The following TEX10 variants were observed in gnomAD, a reference collection of about 807,000 sequenced individuals.
TEX10 encodes testis-expressed protein 10.
TEX10 carries 24 observed loss-of-function variants against 104.4 expected under a neutral mutation model. The observed-to-expected ratio is 0.23, with a 90% CI of 0.17 to 0.32. The LOEUF (loss-of-function observed/expected upper bound fraction) is 0.32, where lower values mean the gene tolerates loss of function less well. TEX10 is among the 10% of genes least tolerant of loss of function. The pLI is 1.00. For synonymous variants in TEX10, 396 were observed against 393.4 expected, an observed-to-expected ratio of 1.01 and a Z score of -0.08; for missense variants, 921 against 1,083.9, an observed-to-expected ratio of 0.85 and a Z score of 2.11.
intron 13 of TEX10, chr9:100,305,639 A>G (rs932725778): frequency 1.6e-4 from 24 of 152,214 alleles, no homozygotes; most frequent in African/African-American, 5.8e-4. Flanking sequence ...AGCCAAGCTC[A>G]AGGCCAGATG....
chr9:100,347,730 G>A (rs1306006066), intron 2 of TEX10, among the ~76,000 whole-genome samples: 1 of 152,028 alleles, frequency 6.6e-6, no homozygotes, highest in African/African-American at 2.4e-5. Context: ...ATCATGGAAG[G>A]TGTATATATA....
chr9:100,341,611 C>T (rs896794447), intron 4 of TEX10, among the ~76,000 whole-genome samples: 1 of 152,122 alleles, frequency 6.6e-6, no homozygotes, highest in Non-Finnish European at 1.5e-5. Context: ...ACTAGATACC[C>T]GGCCACCATC....
At chr9:100,339,678 T>A (rs1432104654) in intron 5 of TEX10, among the ~76,000 whole-genome samples, 1 of 152,158 alleles carries the variant, frequency 6.6e-6, no homozygotes, top group East Asian at 1.9e-4. Context: ...ATTAGTATTT[T>A]AGCTTGTACC....
chr9:100,319,598 A>G (rs1164901615), intron 11 of TEX10, among the ~76,000 whole-genome samples: 1 of 152,132 alleles, frequency 6.6e-6, no homozygotes, highest in East Asian at 1.9e-4. Context: ...TAAGGTCAGG[A>G]GTTCGAGACC....
intron 4 of TEX10, among the ~76,000 whole-genome samples, chr9:100,341,385 T>G (rs1256819981): frequency 6.6e-6 from 1 of 152,216 alleles, no homozygotes; most frequent in Non-Finnish European, 1.5e-5. Context: ...GCTCCAGATT[T>G]TATATGCAAA....
At chr9:100,320,668 C>T (rs898325606) in intron 10 of TEX10, among the ~76,000 whole-genome samples, 1 of 152,104 alleles carries the variant, frequency 6.6e-6, no homozygotes, top group African/African-American at 2.4e-5. Flanking sequence ...AGGGTTTTGA[C>T]AATTTTACTT....
intron 11 of TEX10, among the ~76,000 whole-genome samples, chr9:100,318,157 C>G (rs1834467697): frequency 6.6e-6 from 1 of 152,122 alleles, no homozygotes; most frequent in Admixed American, 6.5e-5. Flanking sequence ...AAAAAGATAC[C>G]TATGTTTATT....
At chr9:100,352,507 C>G (rs117096794) in intron 1 of TEX10, 1 of 1,551,040 alleles carries the variant, frequency 6.4e-7, no homozygotes, top group South Asian at 1.2e-5. Context: ...TTCACACACT[C>G]CGGGCTAAAA....
intron 5 of TEX10, among the ~76,000 whole-genome samples, chr9:100,334,634 G>C (rs549718087): frequency 1.4e-3 from 209 of 150,004 alleles, no homozygotes; most frequent in Non-Finnish European, 2.6e-3. Context: ...AATGCCATTT[G>C]TTTTCCTGGA....
At chr9:100,337,939 A>G (rs1835053668) in intron 5 of TEX10, among the ~76,000 whole-genome samples, 1 of 152,218 alleles carries the variant, frequency 6.6e-6, no homozygotes, top group South Asian at 2.1e-4. Context: ...TATAGTTCTA[A>G]TGATACTTTT....
intron 4 of TEX10, 68 bp downstream of exon 4, chr9:100,346,004 T>A: frequency 6.6e-7 from 1 of 1,516,592 alleles, no homozygotes; most frequent in Non-Finnish European, 8.9e-7. Context: ...AATGAGCTGA[T>A]TTCGAATCTT....
Position 100,326,312 on chromosome 9 carries a change from G to C in TEX10, c.1969C>G (p.Leu657Val). The C allele has an allele frequency of 6.2e-7, 1 of 1,613,718 alleles. No individual in the cohort carries two copies. Among genetic ancestry groups the C allele is most frequent in the Non-Finnish European group, 8.5e-7 (1 of 1,179,794 alleles). The change falls in exon 9 of 15, where the codon CTG becomes GTG. Residue 657 changes from leucine (L) to valine (V), a missense_variant. This residue lies in a region of TEX10 where 753 missense variants were observed against 868.4 expected (regional missense o/e 0.87). Transcript: ENST00000374902. ...SSLAAMLIGILHMRSSFSGWK... is the reference protein window; with the variant it reads ...SSLAAMLIGIVHMRSSFSGWK... ...ACTTGAGCATGCTACCTCATGTGCA[G>C]TATCCCGATAAGCATGGCAGCCAAA...
intron 4 of TEX10, among the ~76,000 whole-genome samples, chr9:100,341,511 G>C (rs1835171533): frequency 8.1e-6 from 1 of 123,712 alleles, no homozygotes; most frequent in African/African-American, 3.3e-5. Context: ...TGTAACACTG[G>C]CATCATCCTT....
At chr9:100,322,650 T>C (rs1314862213) in intron 9 of TEX10, among the ~76,000 whole-genome samples, 1 of 152,086 alleles carries the variant, frequency 6.6e-6, no homozygotes, top group Non-Finnish European at 1.5e-5. Flanking sequence ...GGAGTTTCTC[T>C]TGTTGCCCAG....
rs187125951 is a variant in TEX10, at chr9:100,349,313, T to C, written c.51A>G (p.Lys17=). The C allele has an allele frequency of 3.2e-5, 52 of 1,601,662 alleles. No individual in the cohort carries two copies. The East Asian group carries it at 1.1e-3, about 34-fold the overall frequency. Residue 17 remains lysine (K), a synonymous_variant, in exon 2 of 15, where the codon AAA becomes AAG. Coordinates refer to ENST00000374902, the MANE Select transcript of TEX10 (RefSeq NM_017746.4). ...RQHDFQKVKL[K]VGKKKPKLQN... is the part of the protein sequence containing the mutation. ...GTAACTTGGGCTTCTTTTTACCAACTTTCAATTTTACTTTTTGAAAATCAT... is the reference window on the plus strand; with the variant it reads ...GTAACTTGGGCTTCTTTTTACCAACCTTCAATTTTACTTTTTGAAAATCAT...
chr9:100,347,707 C>T (rs1034595922), intron 2 of TEX10, among the ~76,000 whole-genome samples: 1 of 152,126 alleles, frequency 6.6e-6, no homozygotes, highest in African/African-American at 2.4e-5. Context: ...TGAAAACCTA[C>T]TAGGTACCAA....
intron 13 of TEX10, 102 bp downstream of exon 13, chr9:100,308,398 G>A (rs1056558012): frequency 2.2e-6 from 2 of 912,524 alleles, no homozygotes; most frequent in Admixed American, 3.9e-5. Flanking sequence ...CAGAATTTAA[G>A]GTATCTGTAT....
At chr9:100,332,737 C>T (rs1305914341) in intron 5 of TEX10, among the ~76,000 whole-genome samples, 1 of 151,804 alleles carries the variant, frequency 6.6e-6, no homozygotes, top group East Asian at 2.0e-4. Context: ...AGGAGAATAG[C>T]GTGAACCCGG....
Position 100,329,249 on chromosome 9 carries a change from C to G in TEX10, c.1516G>C (p.Val506Leu), listed in dbSNP as rs1194411333. 5.0e-6 allele frequency: 8 copies of G among 1,608,240 alleles called. No individual in the cohort carries two copies. Among genetic ancestry groups the G allele is most frequent in the Non-Finnish European group, 6.8e-6 (8 of 1,178,746 alleles). ...CCCCTCTGCTGATATAATGTATAAA[C>G]TGCCTTAATAAGAGTCTCTGTGTCC... ...REDTETLIKA[V>L]YTLYQQRGLI... Residue 506 changes from valine to leucine, a missense_variant, in exon 7 of 15, where the codon GTT (valine) becomes CTT (leucine). Physicochemically the swap from Val to Leu is conservative, Grantham distance 32. Coordinates refer to ENST00000374902, the MANE Select transcript of TEX10 (RefSeq NM_017746.4).
Sources: gnomAD v4.1 joint callset for allele counts (sites outside exome capture counted in the v4.1 genomes callset) on GRCh38, gnomAD v4.1.1 for gene constraint, gnomAD v4.1.1 regional missense constraint, MANE v1.5 for transcripts, NCBI Gene and HGNC (gene_info 2026-07-23, HGNC 2026-07-21) for gene names.